ASCC3: variants seen among roughly 807,000 people sequenced by gnomAD.
The protein encoded by ASCC3 is ASC-1 complex subunit P200.
In ASCC3, 158 loss-of-function variants were observed where a neutral mutation model predicts 256.3. The observed-to-expected ratio is 0.62, with a 90% CI of 0.54 to 0.70. The LOEUF is 0.70. ASCC3 is among the 30% of genes least tolerant of loss of function. The probability of loss-of-function intolerance (pLI) is 0.00; values close to 1 mark genes in which losing one functional copy is unlikely to be tolerated. For missense variants in ASCC3, 2,259 were observed against 2,626.0 expected (o/e 0.86, Z 3.05); for synonymous variants, 948 against 883.4 (o/e 1.07, Z -1.30).
intron 4 of ASCC3, among the ~76,000 whole-genome samples, chr6:100,825,274 T>A (rs1210637174): frequency 2.5e-5 from 1 of 39,442 alleles, no homozygotes; most frequent in Non-Finnish European, 7.3e-5. Context: ...TCTTTTGTGA[T>A]TTTTTTTTTT....
intron 36 of ASCC3, among the ~76,000 whole-genome samples, chr6:100,546,093 G>A (rs1178721730): frequency 2.6e-5 from 4 of 152,098 alleles, no homozygotes; most frequent in Non-Finnish European, 5.9e-5. Context: ...AAAATTGATT[G>A]TATTTTTCTG....
At chr6:100,570,748 A>T (rs752138726) in intron 36 of ASCC3, among the ~76,000 whole-genome samples, 3 of 151,950 alleles carry the variant, frequency 2.0e-5, no homozygotes, top group Non-Finnish European at 2.9e-5. Context: ...ACAAACATAC[A>T]CCCTGCTCTT....
chr6:100,867,960 A>C lies in ASCC3; in HGVS notation c.38T>G (p.Phe13Cys). The C allele has an allele frequency of 6.2e-7, 1 of 1,613,848 alleles. No individual in the cohort carries two copies. Among genetic ancestry groups the C allele is most frequent in the East Asian group, 2.2e-5 (1 of 44,846 alleles). Residue 13 changes from phenylalanine (F) to cysteine (C), a missense_variant, in exon 2 of 42, where the codon TTT (phenylalanine) becomes TGT (cysteine). Around this residue, in one of 2 missense-constraint regions of ASCC3, gnomAD observed 420 missense variants for 419.3 expected, o/e 1.00. Coordinates refer to ENST00000369162, the MANE Select transcript of ASCC3 (RefSeq NM_006828.4). ...LPRLTGALRS[F>C]SNVTKQDNYN... ...ATTATCTTGCTTGGTGACATTTGAA[A>C]AGGAACGCAAGGCTCCTGTGAGACG...
chr6:100,794,244 G>A (rs1178985647), intron 8 of ASCC3, among the ~76,000 whole-genome samples: 2 of 152,014 alleles, frequency 1.3e-5, no homozygotes, highest in Non-Finnish European at 2.9e-5. Flanking sequence ...ACAATATTGA[G>A]TGTAAACCTC....
At chr6:100,807,793 A>C (rs1469487679) in intron 4 of ASCC3, among the ~76,000 whole-genome samples, 1 of 151,632 alleles carries the variant, frequency 6.6e-6, no homozygotes, top group Non-Finnish European at 1.5e-5. Flanking sequence ...TCTGTGTGAC[A>C]AAAGGGGAAG....
intron 39 of ASCC3, among the ~76,000 whole-genome samples, chr6:100,515,541 G>A (rs1168462648): frequency 1.3e-5 from 2 of 152,150 alleles, no homozygotes; most frequent in Non-Finnish European, 2.9e-5. Context: ...TTCTGGCATT[G>A]TTCATTCATA....
chr6:100,555,671 T>C (rs902006187), intron 36 of ASCC3, among the ~76,000 whole-genome samples: 4 of 152,216 alleles, frequency 2.6e-5, no homozygotes, highest in African/African-American at 9.6e-5. Flanking sequence ...TTTTAAAGGC[T>C]ACAATAAAAA....
At chr6:100,555,318 A>G (rs1053459965) in intron 36 of ASCC3, among the ~76,000 whole-genome samples, 1 of 152,218 alleles carries the variant, frequency 6.6e-6, no homozygotes, top group Non-Finnish European at 1.5e-5. Context: ...AAATCTATGT[A>G]TATTTCCTTT....
At chr6:100,751,502 A>T (rs1780935444) in intron 10 of ASCC3, among the ~76,000 whole-genome samples, 1 of 152,020 alleles carries the variant, frequency 6.6e-6, no homozygotes, top group Non-Finnish European at 1.5e-5. Flanking sequence ...CCAGTGTGTG[A>T]ATATAAATGC....
intron 34 of ASCC3, among the ~76,000 whole-genome samples, chr6:100,592,679 T>C (rs1487214526): frequency 6.6e-6 from 1 of 152,102 alleles, no homozygotes; most frequent in African/African-American, 2.4e-5. Flanking sequence ...CTTTTTTTAG[T>C]TACTGTGCAT....
Position 100,628,065 on chromosome 6 carries a change from T to C in ASCC3, c.4376-78A>G, listed in dbSNP as rs1054054328. ...ATTGCAGCAACCACAAAAGGAAGAGTTTGTAGCTTCCTCAAAAAACAAAAA... is the reference window on the plus strand; with the variant it reads ...ATTGCAGCAACCACAAAAGGAAGAGCTTGTAGCTTCCTCAAAAAACAAAAA... On this transcript the variant is annotated intron_variant, in intron 27 of 41. Coordinates refer to ENST00000369162, the MANE Select transcript of ASCC3 (RefSeq NM_006828.4). 4 of 1,421,088 alleles carry C rather than the reference T, an allele frequency of 2.8e-6. No homozygotes were observed. In the South Asian group the frequency reaches 3.7e-5, roughly 13 times the overall value. 88.0% of individuals were successfully genotyped at this position (1,421,088 alleles called of 1,614,324 possible).
intron 36 of ASCC3, among the ~76,000 whole-genome samples, chr6:100,546,699 T>G (rs1044542413): frequency 5.3e-5 from 8 of 152,204 alleles, no homozygotes; most frequent in African/African-American, 1.9e-4. Flanking sequence ...CAAGTTTATT[T>G]ATAGTTATCA....
At chr6:100,805,049 T>A (rs573929544) in intron 5 of ASCC3, among the ~76,000 whole-genome samples, 3 of 152,214 alleles carry the variant, frequency 2.0e-5, no homozygotes, top group African/African-American at 7.2e-5. Flanking sequence ...AGTACATATG[T>A]ACCATGGAAC....
intron 14 of ASCC3, among the ~76,000 whole-genome samples, chr6:100,678,232 CA>C (rs1455909498): frequency 6.6e-6 from 1 of 152,062 alleles, no homozygotes; most frequent in Non-Finnish European, 1.5e-5. Context: ...CAGAAATCCA[CA>C]AGGTGGCTCT....
At chr6:100,661,590 G>A (rs1228324651) in intron 16 of ASCC3, among the ~76,000 whole-genome samples, 1 of 151,824 alleles carries the variant, frequency 6.6e-6, no homozygotes, top group Non-Finnish European at 1.5e-5. Flanking sequence ...TAGTTTAAAA[G>A]TATGGTCTTT....
chr6:100,671,409 G>T (rs927058521), intron 14 of ASCC3, among the ~76,000 whole-genome samples: 1 of 151,992 alleles, frequency 6.6e-6, no homozygotes, highest in Non-Finnish European at 1.5e-5. Context: ...GTGAACAGAC[G>T]ATTTGGATTC....
At chr6:100,583,858 C>G (rs1771472195) in intron 36 of ASCC3, among the ~76,000 whole-genome samples, 1 of 152,158 alleles carries the variant, frequency 6.6e-6, no homozygotes, top group South Asian at 2.1e-4. Context: ...AGTGGTCATT[C>G]AGGAGCAGGT....
intron 14 of ASCC3, among the ~76,000 whole-genome samples, chr6:100,677,776 T>C (rs1324678444): frequency 6.6e-6 from 1 of 151,684 alleles, no homozygotes; most frequent in African/African-American, 2.4e-5. Flanking sequence ...AAAAGTCTAA[T>C]AATAGTTGGA....
intron 14 of ASCC3, among the ~76,000 whole-genome samples, chr6:100,665,744 A>C (rs528464513): frequency 4.8e-3 from 492 of 103,336 alleles, no homozygotes; most frequent in Non-Finnish European, 6.0e-3. Flanking sequence ...TGTCTCAAAA[A>C]ACAAAAAAAA....
Sources: allele counts gnomAD v4.1 joint callset (sites outside exome capture counted in the v4.1 genomes callset), GRCh38; gene constraint gnomAD v4.1.1; regional missense constraint gnomAD v4.1.1; transcripts MANE v1.5; gene names NCBI Gene and HGNC (gene_info 2026-07-23, HGNC 2026-07-21).